ABR: variants seen among roughly 807,000 people sequenced by gnomAD.
ABR encodes active breakpoint cluster region-related protein.
A neutral mutation model predicts 107.2 loss-of-function variants in ABR; 35 were observed. The ratio of observed to expected loss-of-function variants is 0.33; its 90% confidence interval spans 0.25 to 0.43. The LOEUF is 0.43. Among genes scored for constraint, ABR ranks in the 20% least tolerant of loss-of-function variants. The pLI is 1.00. For synonymous variants in ABR, 498 were observed against 462.0 expected, an observed-to-expected ratio of 1.08 and a Z score of -1.00; for missense variants, 815 against 1,115.2, an observed-to-expected ratio of 0.73 and a Z score of 3.83.
chr17:1,228,950 G>A (rs1012167450), exon 1 of ABR: 1 of 151,244 alleles, frequency 6.6e-6, no homozygotes, highest in African/African-American at 2.4e-5. Context: ...CCTCCGCGGC[G>A]AGGGGCGAGC....
chr17:1,199,469 G>A (rs2042632286), intron 1 of ABR, among the ~76,000 whole-genome samples: 1 of 141,060 alleles, frequency 7.1e-6, no homozygotes, highest in Non-Finnish European at 1.5e-5. Context: ...TGCAATCACA[G>A]CTCACTGTAG....
At chr17:1,103,517 G>C (rs756366450) in intron 2 of ABR, among the ~76,000 whole-genome samples, 67 of 152,160 alleles carry the variant, frequency 4.4e-4, no homozygotes, top group Non-Finnish European at 7.5e-4. Flanking sequence ...GACTAGGATG[G>C]GGGGAAGAAA....
intron 2 of ABR, among the ~76,000 whole-genome samples, chr17:1,116,002 G>A (rs775432594): frequency 1.7e-4 from 25 of 144,800 alleles, no homozygotes; most frequent in East Asian, 1.1e-3. Context: ...CGAGGCGGGC[G>A]GATCACCTGA....
At position 1,005,876 on chromosome 17, in the gene ABR, A is replaced by ATGC; in HGVS notation, c.*201_*203dup. On this transcript the variant is annotated 3_prime_UTR_variant, in exon 23 of 23. Coordinates refer to ENST00000302538, the MANE Select transcript of ABR (RefSeq NM_021962.5). Reference sequence around the variant, plus strand: ...AGAGGTATGGAGGGCAGGAGGTGGGATGCGGTGGTGAGGCTGGGGCTGGGC... The same window carrying ATGC: ...AGAGGTATGGAGGGCAGGAGGTGGGATGCTGCGGTGGTGAGGCTGGGGCTGGGC... 1 of 608,154 alleles carries ATGC rather than the reference A, an allele frequency of 1.6e-6. No homozygotes were observed. The highest frequency in any genetic ancestry group is 2.9e-6 in the Non-Finnish European group (1 of 339,426). 37.7% of individuals were successfully genotyped at this position (608,154 alleles called of 1,614,324 possible). A position where few individuals can be genotyped will look rare whatever the true frequency, so the allele number is the denominator to read the frequency against.
chr17:1,028,158 T>G (rs1283056170), intron 16 of ABR, among the ~76,000 whole-genome samples: 5 of 152,010 alleles, frequency 3.3e-5, no homozygotes. Flanking sequence ...TGGCATGATC[T>G]CGGCTCACTG....
chr17:1,175,064 G>A (rs897247347), intron 1 of ABR, among the ~76,000 whole-genome samples: 3 of 152,170 alleles, frequency 2.0e-5, no homozygotes, highest in African/African-American at 7.2e-5. Context: ...ATAACAAAGA[G>A]AAGATGATAC....
chr17:1,182,686 A>G (rs1598079852), upstream of ABR, among the ~76,000 whole-genome samples: 7 of 152,218 alleles, frequency 4.6e-5, 1 homozygote, highest in Middle Eastern at 0.017. Context: ...CTTAAACACC[A>G]CGCATACTGC....
intron 1 of ABR, among the ~76,000 whole-genome samples, chr17:1,149,430 T>G (rs566336659): frequency 6.7e-6 from 1 of 148,940 alleles, no homozygotes; most frequent in East Asian, 2.0e-4. Flanking sequence ...TTTTAGTTTT[T>G]TTTTTTTTTT....
intron 1 of ABR, among the ~76,000 whole-genome samples, chr17:1,178,836 G>A (rs1404805447): frequency 6.7e-6 from 1 of 150,014 alleles, no homozygotes; most frequent in African/African-American, 2.5e-5. Context: ...TCTAGCAACG[G>A]AGCAGGAGCA....
intron 16 of ABR, among the ~76,000 whole-genome samples, chr17:1,032,409 T>G (rs2072875955): frequency 6.6e-6 from 1 of 152,168 alleles, no homozygotes; most frequent in Non-Finnish European, 1.5e-5. Context: ...GGGTCACTGA[T>G]CTGCTCAGGG....
In ABR at chr17:1,066,605, T is replaced by C. The variant is rs1300799620; in HGVS notation, c.1182+472A>G. Among the ~76,000 whole-genome samples, 3 of 152,100 alleles carry C rather than the reference T, an allele frequency of 2.0e-5. No homozygotes were observed. In the East Asian group the frequency reaches 5.8e-4, roughly 29 times the overall value. The stretch of plus-strand genomic sequence containing the variant: ...GTGCATTGGCATGTTCTTGGCTCAC[T>C]GCAACCTCCACCTCCCGGGTTCAAG... On this transcript the variant is annotated intron_variant, in intron 10 of 22. Transcript: ENST00000302538.
At chr17:1,036,934 C>T (rs2073224460) in intron 16 of ABR, among the ~76,000 whole-genome samples, 1 of 152,168 alleles carries the variant, frequency 6.6e-6, no homozygotes, top group South Asian at 2.1e-4. Flanking sequence ...ACAGGAGTCA[C>T]CCAGCAGCCA....
intron 2 of ABR, among the ~76,000 whole-genome samples, chr17:1,116,771 C>A (rs1025854420): frequency 1.3e-5 from 2 of 152,186 alleles, no homozygotes; most frequent in African/African-American, 4.8e-5. Flanking sequence ...ACTTGGGTGG[C>A]AGGGCAGCCC....
At chr17:1,046,643 C>T (rs1471441259) in intron 16 of ABR, among the ~76,000 whole-genome samples, 1 of 152,230 alleles carries the variant, frequency 6.6e-6, no homozygotes, top group African/African-American at 2.4e-5. Context: ...AGCAGCACCT[C>T]AGCTGCTTCT....
At chr17:1,227,695 C>T (rs2043247340) in intron 1 of ABR, among the ~76,000 whole-genome samples, 1 of 152,142 alleles carries the variant, frequency 6.6e-6, no homozygotes, top group Non-Finnish European at 1.5e-5. Context: ...CTGGTTGCAG[C>T]TTGACCCAAC....
intron 10 of ABR, among the ~76,000 whole-genome samples, chr17:1,061,328 C>A (rs2033900502): frequency 6.6e-6 from 1 of 152,144 alleles, no homozygotes; most frequent in South Asian, 2.1e-4. Flanking sequence ...CAGGGCCCAG[C>A]CGTTCAGGAG....
At chr17:1,144,671 C>T (rs1484184287) in intron 1 of ABR, among the ~76,000 whole-genome samples, 2 of 151,730 alleles carry the variant, frequency 1.3e-5, no homozygotes, top group Non-Finnish European at 1.5e-5. Context: ...GTGGGTGGAT[C>T]ACCTGAGGTC....
In ABR at chr17:1,197,669, G is replaced by C. The variant is rs147753289; in HGVS notation, c.838+31124C>G. On this transcript the variant is annotated intron_variant, in intron 1 of 22. Transcript: ENST00000574139. Reference sequence around the variant, plus strand: ...GGGAGTGCCAGACCACCAGCAGAGAGGGGGAGGGTGCTGGGAAGTCTTCTT... The same window carrying C: ...GGGAGTGCCAGACCACCAGCAGAGACGGGGAGGGTGCTGGGAAGTCTTCTT... 1.0e-2 allele frequency among the ~76,000 whole-genome samples: 1,511 copies of C among 151,728 alleles called. 21 individuals are homozygous for C. The highest frequency in any genetic ancestry group is 0.03 in the South Asian group (144 of 4,818).
intron 1 of ABR, among the ~76,000 whole-genome samples, chr17:1,186,267 C>A (rs1167747447): frequency 6.6e-6 from 1 of 152,246 alleles, no homozygotes; most frequent in African/African-American, 2.4e-5. Context: ...CCTCTTCTCA[C>A]CTGCCCTCTG....
Sources: allele counts gnomAD v4.1 joint callset (sites outside exome capture counted in the v4.1 genomes callset), GRCh38; gene constraint gnomAD v4.1.1; transcripts MANE v1.5; gene names NCBI Gene and HGNC (gene_info 2026-07-23, HGNC 2026-07-21).